The following RAD18 variants were observed in gnomAD, a reference collection of about 807,000 sequenced individuals.
RAD18 encodes RAD18 E3 ubiquitin protein ligase, also known as E3 ubiquitin-protein ligase RAD18.
A neutral mutation model predicts 60.4 loss-of-function variants in RAD18; 47 were observed. That is an observed-to-expected ratio of 0.78 (90% CI 0.62 to 0.99). The LOEUF (loss-of-function observed/expected upper bound fraction) is 0.99. Among genes scored for constraint, RAD18 ranks in the 50% least tolerant of loss-of-function variants. The probability of loss-of-function intolerance (pLI) is 0.00; values close to 1 mark genes in which losing one functional copy is unlikely to be tolerated. For synonymous variants in RAD18, 225 were observed against 195.5 expected (o/e 1.15, Z -1.26); for missense variants, 640 against 593.3 (o/e 1.08, Z -0.82).
In RAD18 at chr3:8,936,066, G is replaced by A. The variant is rs745850249; in HGVS notation, c.705-11C>T. The stretch of plus-strand genomic sequence containing the variant: ...CTTTTGTGAACAGAACTGAAAAGGG[G>A]GGAAGATACCTGATGATTATTGTGA... On this transcript the variant is annotated splice_polypyrimidine_tract_variant and intron_variant, in intron 6 of 12. Coordinates refer to ENST00000264926, the MANE Select transcript of RAD18 (RefSeq NM_020165.4). The A allele has an allele frequency of 5.3e-6, 8 of 1,499,792 alleles. No individual in the cohort carries two copies. The highest frequency in any genetic ancestry group is 4.5e-5 in the Admixed American group (2 of 44,208). The allele number at this position is 1,499,792 out of a possible 1,614,324, so 92.9% of individuals were successfully genotyped here.
chr3:8,960,284 G>A (rs1425551674), intron 1 of RAD18, among the ~76,000 whole-genome samples: 2 of 152,064 alleles, frequency 1.3e-5, no homozygotes, highest in Admixed American at 6.5e-5. Context: ...CAGTCTGGGC[G>A]ACAGTGAGAC....
chr3:8,882,425 G>A (rs1248684115), intron 12 of RAD18, among the ~76,000 whole-genome samples: 4 of 152,156 alleles, frequency 2.6e-5, no homozygotes, highest in Admixed American at 2.0e-4. Flanking sequence ...CTGACACCAC[G>A]CAGAGGTTTG....
At chr3:8,893,681 T>C (rs1168823148) in intron 11 of RAD18, among the ~76,000 whole-genome samples, 1 of 147,690 alleles carries the variant, frequency 6.8e-6, no homozygotes, top group African/African-American at 2.5e-5. Flanking sequence ...TTTGTACACA[T>C]TAGCTTTTTT....
At chr3:8,886,959 AG>A (rs45574241) in intron 12 of RAD18, among the ~76,000 whole-genome samples, 2,521 of 152,264 alleles carry the variant, frequency 0.017, 70 homozygotes, top group African/African-American at 0.058. Flanking sequence ...TTAAAGTCTA[AG>A]GGGGAAAATA....
intron 9 of RAD18, among the ~76,000 whole-genome samples, chr3:8,911,845 GAT>G (rs1269556364): frequency 4.6e-5 from 7 of 152,188 alleles, no homozygotes; most frequent in African/African-American, 1.7e-4. Context: ...CCCTGGGAAA[GAT>G]ATACACGAAG....
At chr3:8,904,500 T>C (rs1939969929) in intron 9 of RAD18, among the ~76,000 whole-genome samples, 1 of 152,194 alleles carries the variant, frequency 6.6e-6, no homozygotes, top group Admixed American at 6.5e-5. Context: ...GTATGGCATA[T>C]TTTAAATAAA....
chr3:8,929,931 G>A (rs1215436176), intron 7 of RAD18, among the ~76,000 whole-genome samples: 1 of 152,236 alleles, frequency 6.6e-6, no homozygotes, highest in Non-Finnish European at 1.5e-5. Context: ...ACAGGCATGA[G>A]CCACTGCGCC....
intron 12 of RAD18, among the ~76,000 whole-genome samples, chr3:8,887,119 C>A (rs565363892): frequency 6.6e-6 from 1 of 152,286 alleles, no homozygotes; most frequent in South Asian, 2.1e-4. Context: ...GAAGCTGCCC[C>A]AGCTATACCT....
In RAD18 at chr3:8,941,630, C is replaced by T; in HGVS notation, c.441G>A (p.Glu147=). 1 of 1,614,116 alleles carries T rather than the reference C, an allele frequency of 6.2e-7. No individual in the cohort carries two copies. Among genetic ancestry groups the T allele is most frequent in the Non-Finnish European group, 8.5e-7 (1 of 1,180,016 alleles). The stretch of plus-strand genomic sequence containing the variant: ...TGCTTTTATTTTCTTTTATCAACAA[C>T]TCTGATGTAGAACCACTCATTTCTC... The part of the protein sequence containing the change: ...LIREMSGSTS[E]LLIKENKSKF... The change falls in exon 5 of 13, where the codon GAG becomes GAA. Residue 147 remains glutamate, a synonymous_variant. Coordinates refer to ENST00000264926, the MANE Select transcript of RAD18 (RefSeq NM_020165.4).
At chr3:8,943,818 G>A (rs1940795461) in intron 4 of RAD18, among the ~76,000 whole-genome samples, 1 of 152,090 alleles carries the variant, frequency 6.6e-6, no homozygotes, top group Non-Finnish European at 1.5e-5. Flanking sequence ...TAAACTGAAC[G>A]ATAGCATGAA....
intron 11 of RAD18, among the ~76,000 whole-genome samples, chr3:8,892,131 A>G (rs1939701094): frequency 6.6e-6 from 1 of 152,200 alleles, no homozygotes; most frequent in South Asian, 2.1e-4. Flanking sequence ...CAAAGGAGAA[A>G]ATTAATTACT....
intron 7 of RAD18, among the ~76,000 whole-genome samples, chr3:8,933,075 G>A (rs191102319): frequency 2.0e-4 from 30 of 151,538 alleles, no homozygotes; most frequent in Admixed American, 3.3e-4. Context: ...CAGCCTGGCC[G>A]ACAGAGAGAG....
intron 6 of RAD18, among the ~76,000 whole-genome samples, chr3:8,938,644 T>C (rs1433664361): frequency 1.3e-5 from 2 of 152,206 alleles, no homozygotes; most frequent in South Asian, 2.1e-4. Context: ...TACTGGGCTC[T>C]TGTGCTCCTC....
intron 10 of RAD18, among the ~76,000 whole-genome samples, chr3:8,899,656 C>A (rs1454311472): frequency 1.3e-5 from 2 of 152,096 alleles, no homozygotes; most frequent in Non-Finnish European, 2.9e-5. Context: ...AATAAAGACC[C>A]CAAAAAGCTG....
chr3:8,952,274 G>A (rs1447563734), intron 2 of RAD18, among the ~76,000 whole-genome samples: 1 of 152,110 alleles, frequency 6.6e-6, no homozygotes, highest in African/African-American at 2.4e-5. Flanking sequence ...AATCAGATAT[G>A]GATGAGACTC....
intron 7 of RAD18, among the ~76,000 whole-genome samples, chr3:8,924,899 A>G (rs373796158): frequency 4.6e-5 from 7 of 152,140 alleles, no homozygotes; most frequent in African/African-American, 1.4e-4. Context: ...TCTCTGGGAC[A>G]CATTTAAAGC....
At chr3:8,959,096 A>G in intron 1 of RAD18, 95 bp from the exon 2 acceptor site, 1 of 923,816 alleles carries the variant, frequency 1.1e-6, no homozygotes, top group Admixed American at 1.9e-5. Flanking sequence ...AAAAAAAATC[A>G]AACTCTTTGT....
Position 8,947,291 on chromosome 3 carries a change from CT to C in RAD18, c.196-2del. The C allele has an allele frequency of 6.3e-7, 1 of 1,599,826 alleles. No individual in the cohort carries two copies. Among genetic ancestry groups the C allele is most frequent in the Non-Finnish European group, 8.6e-7 (1 of 1,169,444 alleles). ...TTTTCAGATCCGGCTCTGTGACAGTCTAGAAAAAACAAACAACAGATGGAAA... is the reference window on the plus strand; with the variant it reads ...TTTTCAGATCCGGCTCTGTGACAGTCAGAAAAAACAAACAACAGATGGAAA... On this transcript the variant is annotated splice_acceptor_variant, in intron 3 of 12. Transcript: ENST00000264926. LOFTEE classifies it high-confidence loss of function.
chr3:8,891,849 A>G (rs1939697158), intron 11 of RAD18, among the ~76,000 whole-genome samples: 1 of 152,232 alleles, frequency 6.6e-6, no homozygotes, highest in African/African-American at 2.4e-5. Flanking sequence ...AATACAATTA[A>G]AATACCAGAC....
Sources: gnomAD v4.1 joint callset for allele counts (sites outside exome capture counted in the v4.1 genomes callset) on GRCh38, gnomAD v4.1.1 for gene constraint, MANE v1.5 for transcripts, NCBI Gene and HGNC (gene_info 2026-07-23, HGNC 2026-07-21) for gene names.